NRXN3: variants seen among roughly 807,000 people sequenced by gnomAD.
NRXN3 encodes the protein neurexin 3.
Under a neutral mutation model 137.6 loss-of-function variants are expected in NRXN3, and 32 were observed. That is an observed-to-expected ratio of 0.23 (90% CI 0.18 to 0.31). NRXN3 has a LOEUF of 0.31. Ranked by LOEUF, NRXN3 falls within the 10% of genes least tolerant of loss-of-function variation. NRXN3 has a pLI of 1.00. For synonymous variants in NRXN3, 798 were observed against 784.5 expected, an observed-to-expected ratio of 1.02 and a Z score of -0.29; for missense variants, 1,574 against 2,062.5, an observed-to-expected ratio of 0.76 and a Z score of 4.59.
At chr14:79,473,479 C>T (rs983373010) in intron 16 of NRXN3, among the ~76,000 whole-genome samples, 1 of 152,136 alleles carries the variant, frequency 6.6e-6, no homozygotes, top group Non-Finnish European at 1.5e-5. Context: ...CGATCAGCAT[C>T]TGCTGGGATA....
chr14:79,768,111 C>T (rs572725189), intron 19 of NRXN3, among the ~76,000 whole-genome samples: 13 of 152,316 alleles, frequency 8.5e-5, no homozygotes, highest in East Asian at 5.8e-4. Flanking sequence ...TCACCTGGCT[C>T]GGAGGGTCCT....
At chr14:79,367,269 C>T (rs1225976787) in intron 15 of NRXN3, among the ~76,000 whole-genome samples, 1 of 152,224 alleles carries the variant, frequency 6.6e-6, no homozygotes, top group African/African-American at 2.4e-5. Flanking sequence ...AGGCGTGAGC[C>T]ACCACGCCCT....
chr14:78,504,529 G>A (rs1270862033), intron 4 of NRXN3, among the ~76,000 whole-genome samples: 2 of 152,130 alleles, frequency 1.3e-5, no homozygotes, highest in Non-Finnish European at 1.5e-5. Context: ...TGTGTATGCT[G>A]TGTCTCTGTG....
At chr14:79,549,815 G>A (rs2097356458) in intron 16 of NRXN3, among the ~76,000 whole-genome samples, 1 of 152,060 alleles carries the variant, frequency 6.6e-6, no homozygotes, top group South Asian at 2.1e-4. Context: ...ATTCTATTGA[G>A]CCACATCTGT....
intron 10 of NRXN3, among the ~76,000 whole-genome samples, chr14:78,892,036 G>A (rs2099160393): frequency 6.6e-6 from 1 of 151,866 alleles, no homozygotes; most frequent in African/African-American, 2.4e-5. Flanking sequence ...CTCAAAGTGT[G>A]GTCTCTGGCT....
intron 4 of NRXN3, among the ~76,000 whole-genome samples, chr14:78,372,574 A>G (rs189275515): frequency 0.03 from 4,568 of 152,176 alleles, 108 homozygotes; most frequent in Non-Finnish European, 0.046. Flanking sequence ...TGATCCACCT[A>G]CCTTGGTTTC....
intron 10 of NRXN3, among the ~76,000 whole-genome samples, chr14:78,856,914 G>T (rs377038642): frequency 1.3e-5 from 2 of 151,946 alleles, no homozygotes; most frequent in African/African-American, 4.8e-5. Flanking sequence ...TTGTATTTTT[G>T]TAGAAACATG....
rs140967380 is a variant in NRXN3, at chr14:78,636,574, C to T, written c.758-8546C>T. On this transcript the variant is annotated intron_variant, in intron 4 of 20. Transcript: ENST00000335750. ...CTGGGGAATGGGGAGGAAATGTTCT[C>T]GTGGAGTCACGGGGGCAGGAAAATG... Among the ~76,000 whole-genome samples the T allele has an allele frequency of 2.0e-3, 306 of 152,158 alleles. 2 individuals carry two copies. Among genetic ancestry groups the T allele is most frequent in the Middle Eastern group, 0.017 (5 of 294 alleles).
chr14:78,356,011 CAG>C (rs2084251012), intron 4 of NRXN3, among the ~76,000 whole-genome samples: 2 of 152,156 alleles, frequency 1.3e-5, no homozygotes, highest in South Asian at 4.2e-4. Flanking sequence ...AAGGCAGCCT[CAG>C]AGACAGGTGG....
chr14:79,713,364 G>A (rs2098811998), intron 19 of NRXN3, among the ~76,000 whole-genome samples: 1 of 148,518 alleles, frequency 6.7e-6, no homozygotes, highest in African/African-American at 2.5e-5. Flanking sequence ...GATGAGCTAA[G>A]CTATTACTAA....
At chr14:79,074,950 G>A (rs1568199930) in intron 15 of NRXN3, among the ~76,000 whole-genome samples, 1 of 152,164 alleles carries the variant, frequency 6.6e-6, no homozygotes, top group East Asian at 1.9e-4. Flanking sequence ...GCACACTCCA[G>A]CCTCTGCTAT....
At chr14:78,539,590 T>C (rs1311742225) in intron 4 of NRXN3, among the ~76,000 whole-genome samples, 1 of 152,194 alleles carries the variant, frequency 6.6e-6, no homozygotes, top group Non-Finnish European at 1.5e-5. Flanking sequence ...TTTGAAGGGT[T>C]TTTTGTGTCT....
intron 15 of NRXN3, chr14:79,279,840 G>T: frequency 1.0e-6 from 1 of 999,682 alleles, no homozygotes; most frequent in Non-Finnish European, 1.2e-6. Flanking sequence ...TTGGATGTTG[G>T]GATAAACTCA....
intron 16 of NRXN3, among the ~76,000 whole-genome samples, chr14:79,559,384 C>CA (rs2097465048): frequency 6.6e-6 from 1 of 152,014 alleles, no homozygotes; most frequent in South Asian, 2.1e-4. Flanking sequence ...TATTGACCTA[C>CA]ATTCAATATT....
At chr14:79,553,099 G>A (rs1022625538) in intron 16 of NRXN3, among the ~76,000 whole-genome samples, 8 of 152,082 alleles carry the variant, frequency 5.3e-5, no homozygotes, top group African/African-American at 1.9e-4. Flanking sequence ...GAAAGACCTT[G>A]GTTCTGAGGC....
intron 2 of NRXN3, among the ~76,000 whole-genome samples, chr14:78,269,094 A>T (rs999768889): frequency 2.0e-5 from 3 of 152,208 alleles, no homozygotes; most frequent in African/African-American, 7.2e-5. Context: ...CTGGTCATGT[A>T]CTTACTGTCA....
In NRXN3 at chr14:78,700,004, TAC is replaced by T. The variant is rs778310515; in HGVS notation, c.1222-9211_1222-9210del. On this transcript the variant is annotated intron_variant, in intron 6 of 20. Transcript: ENST00000335750. ...CCCTAGCAACCAGAGGGCACAGAAGTACAGTTTCAATCAAGTTTATGGTCATA... is the reference window on the plus strand; with the variant it reads ...CCCTAGCAACCAGAGGGCACAGAAGTAGTTTCAATCAAGTTTATGGTCATA... 2.6e-4 allele frequency among the ~76,000 whole-genome samples: 40 copies of T among 152,280 alleles called. 1 individual carries two copies. The highest frequency in any genetic ancestry group is 8.3e-4 in the South Asian group (4 of 4,818).
At chr14:79,218,584 T>C (rs772923387) in intron 15 of NRXN3, among the ~76,000 whole-genome samples, 4 of 151,532 alleles carry the variant, frequency 2.6e-5, no homozygotes, top group Non-Finnish European at 4.4e-5. Flanking sequence ...AAAAAGGAGG[T>C]AGCAAAAAAG....
chr14:79,439,308 T>A (rs1035603755), intron 15 of NRXN3, among the ~76,000 whole-genome samples: 6 of 152,372 alleles, frequency 3.9e-5, no homozygotes, highest in Admixed American at 3.9e-4. Context: ...GAGGTTTAAG[T>A]AGACATTAAA....
Sources: allele counts gnomAD v4.1 joint callset (sites outside exome capture counted in the v4.1 genomes callset), GRCh38; gene constraint gnomAD v4.1.1; transcripts MANE v1.5; gene names NCBI Gene and HGNC (gene_info 2026-07-23, HGNC 2026-07-21).